ITSN1: variants seen among roughly 807,000 people sequenced by gnomAD.
The protein encoded by ITSN1 is intersectin-1.
A neutral mutation model predicts 239.8 loss-of-function variants in ITSN1; 58 were observed. The observed-to-expected ratio is 0.24, with a 90% CI of 0.20 to 0.30. The LOEUF (loss-of-function observed/expected upper bound fraction) is 0.30, where lower values mean the gene tolerates loss of function less well. ITSN1 is among the 10% of genes least tolerant of loss of function. The pLI is 1.00. For synonymous variants in ITSN1, 780 were observed against 770.8 expected, an observed-to-expected ratio of 1.01 and a Z score of -0.20; for missense variants, 1,558 against 2,103.3, an observed-to-expected ratio of 0.74 and a Z score of 5.07.
Position 33,650,893 on chromosome 21 carries a change from A to G in ITSN1, c.-33+8180A>G, listed in dbSNP as rs79418552. Among the ~76,000 whole-genome samples, 198 of 152,362 alleles carry G rather than the reference A, an allele frequency of 1.3e-3. 3 individuals are homozygous for G. The East Asian group carries it at 0.03, about 23-fold the overall frequency. The stretch of plus-strand genomic sequence containing the variant: ...ATGAGAATAGATCTGTATTATAGGT[A>G]GCACTGCTTATTTTTAGACCCCTTC... On this transcript the variant is annotated intron_variant, in intron 1 of 39. Transcript: ENST00000381318.
intron 6 of ITSN1, 124 bp downstream of exon 6, chr21:33,750,446 T>C (rs2067475346): frequency 2.2e-6 from 2 of 890,056 alleles, no homozygotes; most frequent in Admixed American, 2.7e-5. Flanking sequence ...GAGGAAAATA[T>C]CTTTATTTTT....
intron 33 of ITSN1, among the ~76,000 whole-genome samples, chr21:33,874,156 CAAAAAAAAA>C (rs778588764): frequency 3.4e-5 from 1 of 29,202 alleles, no homozygotes; most frequent in Non-Finnish European, 7.5e-5. Flanking sequence ...AACTCCGTCT[CAAAAAAAAA>C]AAAAAAAAAA....
intron 1 of ITSN1, among the ~76,000 whole-genome samples, chr21:33,644,857 T>G (rs997742265): frequency 1.3e-5 from 2 of 151,426 alleles, no homozygotes; most frequent in Non-Finnish European, 2.9e-5. Context: ...AGGGTCTGGC[T>G]ATGTCACAGG....
At chr21:33,663,876 C>T (rs143969906) in intron 1 of ITSN1, among the ~76,000 whole-genome samples, 198 of 152,316 alleles carry the variant, frequency 1.3e-3, no homozygotes, top group African/African-American at 4.6e-3. Flanking sequence ...GCTAGGATTA[C>T]GGGCGTGAGC....
chr21:33,859,574 C>T (rs1006097172), intron 31 of ITSN1, among the ~76,000 whole-genome samples: 3 of 147,472 alleles, frequency 2.0e-5, no homozygotes, highest in Non-Finnish European at 4.5e-5. Flanking sequence ...GGGCCACCCA[C>T]TTCCTGGGCC....
chr21:33,697,545 A>G (rs914781909), intron 1 of ITSN1, among the ~76,000 whole-genome samples: 1 of 152,046 alleles, frequency 6.6e-6, no homozygotes, highest in African/African-American at 2.4e-5. Flanking sequence ...TATATTTGAG[A>G]GGACTGGAAA....
At chr21:33,761,288 A>G (rs2068305095) in intron 8 of ITSN1, among the ~76,000 whole-genome samples, 1 of 151,884 alleles carries the variant, frequency 6.6e-6, no homozygotes, top group Non-Finnish European at 1.5e-5. Flanking sequence ...TCTGGTCTTG[A>G]ACTCCTGAGC....
rs1228956437 is a variant in ITSN1, at chr21:33,896,464, C to T, written c.*8164C>T. 2 of 152,312 alleles carry T rather than the reference C, an allele frequency of 1.3e-5. No individual in the cohort carries two copies. Among genetic ancestry groups the T allele is most frequent in the Admixed American group, 6.5e-5 (1 of 15,282 alleles). 9.4% of individuals were successfully genotyped at this position (152,312 alleles called of 1,614,324 possible). A position where few individuals can be genotyped will look rare whatever the true frequency, so the allele number is the denominator to read the frequency against. On this transcript the variant is annotated 3_prime_UTR_variant, in exon 40 of 40. Transcript: ENST00000381318. ...CTTCCCCAGTGGCTGGACACTTGCT[C>T]CTCCAGCCTTCACCCCCTGGAGAGA...
intron 29 of ITSN1, 142 bp from the exon 30 acceptor site, chr21:33,856,594 C>A: frequency 1.8e-6 from 2 of 1,086,850 alleles, no homozygotes; most frequent in Non-Finnish European, 2.7e-6. Context: ...CCACATATTA[C>A]TGGGGAGGAC....
In ITSN1 at chr21:33,767,773, A is replaced by G; in HGVS notation, c.987A>G (p.Leu329=). ...VISSTSVDQR[L]PEEPVLEDEQ... ...GCTCAACATCTGTAGATCAGAGGCT[A>G]CCAGAGGAACCAGTTTTAGAAGATG... Residue 329 remains leucine (L), a synonymous_variant, in exon 11 of 40, where the codon CTA becomes CTG. Transcript: ENST00000381318. 1 of 1,613,136 alleles carries G rather than the reference A, an allele frequency of 6.2e-7. No homozygotes were observed.
rs541158030 is a variant in ITSN1, at chr21:33,814,411, GCAGA to G, written c.2727+343_2727+346del. The G allele has an allele frequency of 1.6e-4, 40 of 255,114 alleles. No individual in the cohort carries two copies. In the East Asian group the frequency reaches 3.1e-3, roughly 20 times the overall value. 15.8% of individuals were successfully genotyped at this position (255,114 alleles called of 1,614,324 possible). ...CAGAAACTGCTGGGAAGGCTCGAAG[GCAGA>G]CAGTCAGAATGTATTTAAGGAAAAT... On this transcript the variant is annotated intron_variant, in intron 22 of 39. Coordinates refer to ENST00000381318, the MANE Select transcript of ITSN1 (RefSeq NM_003024.3).
chr21:33,809,662 C>T (rs2072747690), intron 20 of ITSN1, among the ~76,000 whole-genome samples: 2 of 152,128 alleles, frequency 1.3e-5, no homozygotes, highest in African/African-American at 4.8e-5. Flanking sequence ...CTACTCATGT[C>T]TGATTTCTAA....
chr21:33,710,299 C>T (rs181837051), intron 1 of ITSN1, among the ~76,000 whole-genome samples: 55 of 151,834 alleles, frequency 3.6e-4, no homozygotes, highest in Non-Finnish European at 5.3e-4. Flanking sequence ...AGGATGGTCT[C>T]GACCTCCTGA....
intron 29 of ITSN1, among the ~76,000 whole-genome samples, chr21:33,853,399 T>C (rs1229991640): frequency 6.6e-6 from 1 of 152,220 alleles, no homozygotes; most frequent in Non-Finnish European, 1.5e-5. Flanking sequence ...CCCTCCAGCT[T>C]GTCCCCAACT....
intron 25 of ITSN1, among the ~76,000 whole-genome samples, chr21:33,824,930 C>G (rs1345241010): frequency 6.6e-6 from 1 of 152,152 alleles, no homozygotes; most frequent in African/African-American, 2.4e-5. Flanking sequence ...GCATATTGGA[C>G]TTTTCAGACC....
chr21:33,742,809 A>C (rs2066943474), intron 5 of ITSN1, among the ~76,000 whole-genome samples: 4 of 152,220 alleles, frequency 2.6e-5, no homozygotes, highest in Admixed American at 6.5e-5. Context: ...AGCAAGGCTC[A>C]CATAAAAATG....
rs2069218867 is a variant in ITSN1 at position 33,772,216 on chromosome 21, G to A, written c.1198G>A (p.Glu400Lys). ...EQERKERERQ[E>K]QERKRQLELE... ...GGAGAGGAAGGAGCGTGAGCGCCAG[G>A]AGCAAGAGCGCAAAAGACAACTGGA... is the stretch of plus-strand genomic sequence containing the variant. Residue 400 changes from glutamate (E) to lysine (K), a missense_variant, in exon 12 of 40, where the codon GAG (glutamate) becomes AAG (lysine). Transcript: ENST00000381318. The A allele has an allele frequency of 6.2e-7, 1 of 1,612,814 alleles. No homozygotes were observed. Among genetic ancestry groups the A allele is most frequent in the Non-Finnish European group, 8.5e-7 (1 of 1,179,366 alleles).
At chr21:33,732,493 A>G (rs1233603328) in intron 4 of ITSN1, among the ~76,000 whole-genome samples, 1 of 152,222 alleles carries the variant, frequency 6.6e-6, no homozygotes, top group Non-Finnish European at 1.5e-5. Context: ...GTCATTCTAA[A>G]CAATGAACTC....
intron 7 of ITSN1, among the ~76,000 whole-genome samples, chr21:33,752,665 C>T (rs974149569): frequency 5.9e-5 from 9 of 151,996 alleles, no homozygotes; most frequent in Admixed American, 2.6e-4. Flanking sequence ...GCAGGAGGAT[C>T]GCTTGAGCTC....
Sources: gnomAD v4.1 joint callset for allele counts (sites outside exome capture counted in the v4.1 genomes callset) on GRCh38, gnomAD v4.1.1 for gene constraint, MANE v1.5 for transcripts, NCBI Gene and HGNC (gene_info 2026-07-23, HGNC 2026-07-21) for gene names.